The following MITF variants were observed in gnomAD, a reference collection of about 807,000 sequenced individuals.
MITF encodes microphthalmia-associated transcription factor.
Under a neutral mutation model 60.5 loss-of-function variants are expected in MITF, and 17 were observed. The observed-to-expected ratio is 0.28, with a 90% CI of 0.19 to 0.42. The LOEUF is 0.42. Ranked by LOEUF, MITF falls within the 10% of genes least tolerant of loss-of-function variation. MITF has a pLI of 1.00. For missense variants in MITF, 622 were observed against 683.5 expected (o/e 0.91, Z 1.00); for synonymous variants, 260 against 248.5 (o/e 1.05, Z -0.43).
intron 1 of MITF, among the ~76,000 whole-genome samples, chr3:69,863,776 G>A (rs535897339): frequency 3.0e-4 from 46 of 152,200 alleles, no homozygotes; most frequent in African/African-American, 1.0e-3. Context: ...TGCCTGGGCT[G>A]GTCTTGAACT....
intron 2 of MITF, among the ~76,000 whole-genome samples, chr3:69,927,670 G>T (rs1270971883): frequency 6.6e-6 from 1 of 152,212 alleles, no homozygotes; most frequent in African/African-American, 2.4e-5. Context: ...ACTGAGGGCT[G>T]TTTTGTCCCC....
At chr3:69,856,771 A>G (rs1398817349) in intron 1 of MITF, among the ~76,000 whole-genome samples, 1 of 152,058 alleles carries the variant, frequency 6.6e-6, no homozygotes, top group Non-Finnish European at 1.5e-5. Flanking sequence ...ATGTTGGGTT[A>G]CTTTTTTTTT....
At chr3:69,812,114 G>C (rs1284506194) in intron 1 of MITF, among the ~76,000 whole-genome samples, 2 of 152,164 alleles carry the variant, frequency 1.3e-5, no homozygotes, top group Non-Finnish European at 2.9e-5. Context: ...CAGTGGGGCA[G>C]TACTAAAAAT....
chr3:69,918,226 C>G (rs75075202), intron 2 of MITF, among the ~76,000 whole-genome samples: 2,378 of 151,954 alleles, frequency 0.016, 30 homozygotes, highest in Middle Eastern at 0.051. Flanking sequence ...CACCATGCCT[C>G]GCTAAATTTT....
At chr3:69,763,995 GTTTTTTAAGGGATGTCAATC>G in intron 1 of MITF, 1 of 1,247,388 alleles carries the variant, frequency 8.0e-7, no homozygotes, top group Non-Finnish European at 1.1e-6. Context: ...TATATAGCAT[GTTTTTTAAGGGATGTCAATC>G]TTTATATCGT....
intron 2 of MITF, among the ~76,000 whole-genome samples, chr3:69,920,943 C>A (rs979437520): frequency 6.6e-6 from 1 of 152,242 alleles, no homozygotes; most frequent in African/African-American, 2.4e-5. Context: ...CCTCGGCTCA[C>A]TGCAACCTCC....
chr3:69,792,174 A>G (rs1559632700), intron 1 of MITF, among the ~76,000 whole-genome samples: 1 of 152,250 alleles, frequency 6.6e-6, no homozygotes, highest in Non-Finnish European at 1.5e-5. Context: ...GATCAGAGAA[A>G]CGAAACAAAA....
chr3:69,936,158 C>G (rs928564872), intron 2 of MITF, among the ~76,000 whole-genome samples: 8 of 152,134 alleles, frequency 5.3e-5, no homozygotes, highest in African/African-American at 1.7e-4. Flanking sequence ...CTTGAACATT[C>G]AGCACAGAGT....
Position 69,746,506 on chromosome 3 carries a change from T to C in MITF, c.104+6805T>C, listed in dbSNP as rs188591241. Among the ~76,000 whole-genome samples, 324 of 152,096 alleles carry C rather than the reference T, an allele frequency of 2.1e-3. 2 individuals carry two copies. Among genetic ancestry groups the C allele is most frequent in the African/African-American group, 7.4e-3 (307 of 41,484 alleles). Reference sequence around the variant, plus strand: ...TCAAGGACAATAAGTGAGAGTTTCATTTTTTTTGTGTGTGTGTATGTTTGT... The same window carrying C: ...TCAAGGACAATAAGTGAGAGTTTCACTTTTTTTGTGTGTGTGTATGTTTGT... On this transcript the variant is annotated intron_variant, in intron 1 of 9. Transcript: ENST00000352241.
At chr3:69,881,098 C>T (rs896305502) in intron 2 of MITF, among the ~76,000 whole-genome samples, 1 of 151,968 alleles carries the variant, frequency 6.6e-6, no homozygotes, top group Admixed American at 6.5e-5. Context: ...AAGTTAAAAT[C>T]TACATTAAGT....
intron 1 of MITF, among the ~76,000 whole-genome samples, chr3:69,763,185 T>C (rs865830771): frequency 2.0e-5 from 3 of 152,208 alleles, no homozygotes; most frequent in Non-Finnish European, 4.4e-5. Context: ...TCTTATGAAG[T>C]TGATAATTAT....
intron 2 of MITF, among the ~76,000 whole-genome samples, chr3:69,899,620 T>G (rs890450371): frequency 6.6e-6 from 1 of 152,200 alleles, no homozygotes; most frequent in Non-Finnish European, 1.5e-5. Context: ...TGGAGTCATC[T>G]AAGCTCTTCA....
At chr3:69,842,915 G>A (rs1314676673) in intron 1 of MITF, among the ~76,000 whole-genome samples, 2 of 152,150 alleles carry the variant, frequency 1.3e-5, no homozygotes, top group African/African-American at 4.8e-5. Context: ...GACACAGAAA[G>A]TTATTTTTCT....
rs978529794 is a variant in MITF, at chr3:69,876,120, G to A, written c.105-3014G>A. On this transcript the variant is annotated intron_variant, in intron 1 of 9. Transcript: ENST00000352241. ...AAATGCTTTGAATGATATTGTTGTC[G>A]ACTTTCACGTATGAAGACTTAGTGC... 9.9e-5 allele frequency among the ~76,000 whole-genome samples: 15 copies of A among 151,602 alleles called. 1 individual carries two copies. Among genetic ancestry groups the A allele is most frequent in the Admixed American group, 6.6e-5 (1 of 15,206 alleles).
chr3:69,928,915 G>A (rs1242316256), intron 2 of MITF, among the ~76,000 whole-genome samples: 1 of 152,302 alleles, frequency 6.6e-6, no homozygotes, highest in East Asian at 1.9e-4. Flanking sequence ...CTACTGGCTT[G>A]TTGTACTGCT....
At chr3:69,884,738 G>A (rs2064570930) in intron 2 of MITF, among the ~76,000 whole-genome samples, 1 of 152,156 alleles carries the variant, frequency 6.6e-6, no homozygotes, top group South Asian at 2.1e-4. Context: ...CACAGTAAGT[G>A]CTTTTGGATT....
chr3:69,757,908 T>A (rs79150208), intron 1 of MITF, among the ~76,000 whole-genome samples: 30,130 of 150,610 alleles, frequency 0.2, 3,773 homozygotes, highest in East Asian at 0.56. Context: ...GGGTAGCTGT[T>A]GAGTGATGGT....
intron 1 of MITF, among the ~76,000 whole-genome samples, chr3:69,858,400 A>T (rs2063956237): frequency 6.6e-6 from 1 of 152,128 alleles, no homozygotes; most frequent in Non-Finnish European, 1.5e-5. Flanking sequence ...AAGTTTTGAG[A>T]TGCTTTAAAA....
intron 1 of MITF, among the ~76,000 whole-genome samples, chr3:69,867,191 G>A (rs2064132617): frequency 2.0e-5 from 3 of 152,024 alleles, no homozygotes; most frequent in Admixed American, 2.0e-4. Flanking sequence ...TTTACTGAAC[G>A]TTCCTGGGTC....
Sources: allele counts gnomAD v4.1 joint callset (sites outside exome capture counted in the v4.1 genomes callset), GRCh38; gene constraint gnomAD v4.1.1; transcripts MANE v1.5; gene names NCBI Gene and HGNC (gene_info 2026-07-23, HGNC 2026-07-21).